GGT1: variants seen among roughly 807,000 people sequenced by gnomAD.
GGT1 encodes the protein gamma-glutamyltransferase 1, also known as glutathione hydrolase 1 proenzyme.
Under a neutral mutation model 56.0 loss-of-function variants are expected in GGT1, and 21 were observed. The ratio of observed to expected loss-of-function variants is 0.38; its 90% CI spans 0.27 to 0.54. The LOEUF is 0.54. Ranked by LOEUF, GGT1 falls within the 20% of genes least tolerant of loss-of-function variation. The pLI is 0.82. For missense variants in GGT1, 466 were observed against 787.0 expected, an observed-to-expected ratio of 0.59 and a Z score of 4.88; for synonymous variants, 238 against 342.6, an observed-to-expected ratio of 0.69 and a Z score of 3.37.
upstream of GGT1, chr22:24,592,709 G>A (rs1257581185): frequency 4.3e-5 from 54 of 1,267,476 alleles, no homozygotes; most frequent in African/African-American, 6.3e-5. Context: ...AGCCTGTCGC[G>A]CCCTCGGAAC....
chr22:24,595,499 T>C (rs572651800), intron 1 of GGT1, among the ~76,000 whole-genome samples: 1 of 152,342 alleles, frequency 6.6e-6, no homozygotes, highest in East Asian at 1.9e-4. Context: ...TGCGATGTTG[T>C]CCTCTCAGTT....
At chr22:24,621,763 C>T (rs2047427289) in intron 9 of GGT1, among the ~76,000 whole-genome samples, 1 of 152,066 alleles carries the variant, frequency 6.6e-6, no homozygotes, top group Non-Finnish European at 1.5e-5. Flanking sequence ...TAGAAAAGGC[C>T]CTCTGAGCCA....
chr22:24,597,516 A>G (rs1048445514), intron 1 of GGT1, among the ~76,000 whole-genome samples: 8 of 152,144 alleles, frequency 5.3e-5, no homozygotes, highest in African/African-American at 1.7e-4. Flanking sequence ...CTTCACTAAA[A>G]AATACAAAAC....
upstream of GGT1, chr22:24,592,447 C>T (rs868603894): frequency 6.4e-6 from 3 of 469,638 alleles, no homozygotes; most frequent in Middle Eastern, 6.5e-4. Flanking sequence ...AAGTTACCCT[C>T]TTCCATTGTC....
chr22:24,606,518 C>G (rs2046334224), intron 1 of GGT1, among the ~76,000 whole-genome samples: 1 of 152,210 alleles, frequency 6.6e-6, no homozygotes. Context: ...GGCCAAATCC[C>G]CTGATGTTCC....
In GGT1 at chr22:24,623,264, G is replaced by A; in HGVS notation, c.883+8G>A. ...TCCTCAACATCCTCAAAGGTGAGTGGTCGCACCACAGCCGTGTGGTAGGAC... is the reference window on the plus strand; with the variant it reads ...TCCTCAACATCCTCAAAGGTGAGTGATCGCACCACAGCCGTGTGGTAGGAC... On this transcript the variant is annotated splice_region_variant and intron_variant, in intron 10 of 15. Coordinates refer to ENST00000400382, the MANE Select transcript of GGT1 (RefSeq NM_001288833.2). The A allele has an allele frequency of 6.4e-7, 1 of 1,560,640 alleles. No individual in the cohort carries two copies. The highest frequency in any genetic ancestry group is 8.7e-7 in the Non-Finnish European group (1 of 1,150,794).
intron 11 of GGT1, among the ~76,000 whole-genome samples, chr22:24,625,627 C>T (rs1389918506): frequency 2.0e-5 from 3 of 151,748 alleles, no homozygotes; most frequent in Non-Finnish European, 1.5e-5. Context: ...CTGTAAGCTC[C>T]GCCTCCTGGG....
At chr22:24,605,129 T>C (rs1444504521) in intron 1 of GGT1, among the ~76,000 whole-genome samples, 2 of 83,002 alleles carry the variant, frequency 2.4e-5, no homozygotes, top group East Asian at 5.9e-4. Flanking sequence ...TAATATGTAA[T>C]ATATTATATA....
At chr22:24,597,371 C>T (rs2045712335) in intron 1 of GGT1, among the ~76,000 whole-genome samples, 1 of 152,142 alleles carries the variant, frequency 6.6e-6, no homozygotes, top group African/African-American at 2.4e-5. Context: ...TGAGGAAAAA[C>T]CAACTCAAAC....
intron 1 of GGT1, among the ~76,000 whole-genome samples, chr22:24,597,123 C>G (rs968634855): frequency 6.6e-6 from 1 of 151,754 alleles, no homozygotes. Context: ...GCTGGGATTA[C>G]AGGTGCCCGC....
chr22:24,592,582 C>G (rs2045603474), upstream of GGT1: 2 of 483,828 alleles, frequency 4.1e-6, no homozygotes, highest in Non-Finnish European at 7.5e-6. Flanking sequence ...CAACCCCTCT[C>G]AAACCCCAAA....
chr22:24,617,582 AG>A (rs2047152576), intron 7 of GGT1, among the ~76,000 whole-genome samples: 1 of 152,122 alleles, frequency 6.6e-6, no homozygotes, highest in South Asian at 2.1e-4. Flanking sequence ...ACGCTTGTGT[AG>A]GGAGTCCCCG....
At chr22:24,614,509 A>G (rs1328695638) in intron 5 of GGT1, among the ~76,000 whole-genome samples, 2 of 148,728 alleles carry the variant, frequency 1.3e-5, no homozygotes, top group Non-Finnish European at 3.0e-5. Flanking sequence ...CCAGCTACTC[A>G]GGAGGCTGAG....
chr22:24,625,964 G>A (rs1353323222), intron 11 of GGT1, among the ~76,000 whole-genome samples: 3 of 147,060 alleles, frequency 2.0e-5, no homozygotes, highest in Admixed American at 6.8e-5. Context: ...TCCGTGGGGT[G>A]TTGCTGAAAC....
intron 7 of GGT1, among the ~76,000 whole-genome samples, chr22:24,616,554 CTTTT>C (rs113675142): frequency 1.5e-5 from 2 of 131,990 alleles, no homozygotes. Flanking sequence ...TTTTTTTTTT[CTTTT>C]TTTTTTTTTT....
At chr22:24,592,795 T>TCCCAGACC (rs1362035912), upstream of GGT1, 110 of 1,259,536 alleles carry the variant, frequency 8.7e-5, 1 homozygote, top group African/African-American at 4.5e-4. Flanking sequence ...GCCCCGCGCC[T>TCCCAGACC]CCCAGACCCC....
At chr22:24,623,075 C>T in intron 9 of GGT1, 32 bp from the exon 10 acceptor site, 1 of 1,611,760 alleles carries the variant, frequency 6.2e-7, no homozygotes, top group Non-Finnish European at 8.5e-7. Context: ...AGCCCCATCC[C>T]AGCACCCATT....
upstream of GGT1, chr22:24,593,006 C>T: frequency 8.9e-7 from 1 of 1,119,360 alleles, no homozygotes; most frequent in Non-Finnish European, 1.1e-6. Flanking sequence ...GAGCCAGCCT[C>T]GGGCCCGGCC....
chr22:24,606,045 T>TAATATA (rs2046291592), intron 1 of GGT1, among the ~76,000 whole-genome samples: 1 of 89,372 alleles, frequency 1.1e-5, no homozygotes, highest in Non-Finnish European at 2.0e-5. Flanking sequence ...ATATAATATA[T>TAATATA]CATATATTAT....
Sources: allele counts gnomAD v4.1 joint callset (sites outside exome capture counted in the v4.1 genomes callset), GRCh38; gene constraint gnomAD v4.1.1; transcripts MANE v1.5; gene names NCBI Gene and HGNC (gene_info 2026-07-23, HGNC 2026-07-21).